COBL: variants seen among roughly 807,000 people sequenced by gnomAD.
COBL encodes cordon-bleu WH2 repeat protein.
In COBL, 51 loss-of-function variants were observed where a neutral mutation model predicts 98.8. The ratio of observed to expected loss-of-function variants is 0.52; its 90% CI spans 0.41 to 0.65. COBL has a LOEUF of 0.65. Ranked by LOEUF, COBL falls within the 30% of genes least tolerant of loss-of-function variation. The probability of loss-of-function intolerance (pLI) is 0.00; values close to 1 mark genes in which losing one functional copy is unlikely to be tolerated. For synonymous variants in COBL, 634 were observed against 651.7 expected (o/e 0.97, Z 0.41); for missense variants, 1,617 against 1,617.5 (o/e 1.00, Z 0.01).
At chr7:51,130,603 G>C (rs562610596) in intron 6 of COBL, among the ~76,000 whole-genome samples, 1 of 152,222 alleles carries the variant, frequency 6.6e-6, no homozygotes, top group African/African-American at 2.4e-5. Flanking sequence ...CATTGGCCAA[G>C]TGGTCTGCAG....
chr7:51,156,666 T>C (rs950604997), intron 5 of COBL: 1 of 805,760 alleles, frequency 1.2e-6, no homozygotes, highest in East Asian at 1.3e-4. Flanking sequence ...TAAACACACA[T>C]TTCCAATGTA....
At chr7:51,061,240 G>C (rs954511647) in intron 7 of COBL, among the ~76,000 whole-genome samples, 1 of 152,152 alleles carries the variant, frequency 6.6e-6, no homozygotes, top group African/African-American at 2.4e-5. Context: ...TTGTGTGTGT[G>C]TGTGTGTATA....
intron 5 of COBL, chr7:51,172,497 C>A: frequency 7.8e-7 from 1 of 1,288,178 alleles, no homozygotes; most frequent in South Asian, 1.2e-5. Flanking sequence ...GTGTCCTCAT[C>A]GCTGTCTGCA....
At chr7:51,140,493 G>C (rs1420196063) in intron 5 of COBL, among the ~76,000 whole-genome samples, 1 of 152,038 alleles carries the variant, frequency 6.6e-6, no homozygotes, top group East Asian at 1.9e-4. Context: ...TTTTGACATG[G>C]GTCCTAATTT....
intron 5 of COBL, among the ~76,000 whole-genome samples, chr7:51,158,835 C>CG (rs1261553440): frequency 1.3e-5 from 2 of 150,588 alleles, no homozygotes; most frequent in Non-Finnish European, 3.0e-5. Flanking sequence ...GTCCATAGGG[C>CG]GGGGGACAGG....
chr7:51,097,606 G>C (rs1032078986), intron 6 of COBL, among the ~76,000 whole-genome samples: 2 of 152,012 alleles, frequency 1.3e-5, no homozygotes, highest in Admixed American at 1.3e-4. Flanking sequence ...CAAAGTTGCA[G>C]GATACAAAAT....
intron 1 of COBL, among the ~76,000 whole-genome samples, chr7:51,302,356 T>G (rs1400049867): frequency 6.6e-6 from 1 of 151,732 alleles, no homozygotes; most frequent in East Asian, 1.9e-4. Context: ...CCGAGGTGGG[T>G]GGATCACCTG....
intron 3 of COBL, among the ~76,000 whole-genome samples, chr7:51,191,445 T>C (rs1790108856): frequency 6.6e-6 from 1 of 151,832 alleles, no homozygotes; most frequent in Admixed American, 6.6e-5. Context: ...GGAAGCAGTA[T>C]GAATAATTTA....
chr7:51,138,397 C>T (rs1799432200), intron 5 of COBL, among the ~76,000 whole-genome samples: 1 of 152,136 alleles, frequency 6.6e-6, no homozygotes, highest in Non-Finnish European at 1.5e-5. Flanking sequence ...ATTTATTTAA[C>T]CCTGCAGGAT....
intron 7 of COBL, among the ~76,000 whole-genome samples, chr7:51,056,687 G>T (rs1026118677): frequency 2.0e-5 from 3 of 152,048 alleles, no homozygotes; most frequent in Non-Finnish European, 4.4e-5. Flanking sequence ...ACTCTAATCG[G>T]GGCTTGTTCC....
chr7:51,184,775 A>G (rs1789330334), intron 4 of COBL, among the ~76,000 whole-genome samples: 1 of 152,226 alleles, frequency 6.6e-6, no homozygotes, highest in African/African-American at 2.4e-5. Flanking sequence ...CTGCCAAATC[A>G]GCACAGCTCT....
At chr7:51,300,535 C>A (rs972442362) in intron 1 of COBL, among the ~76,000 whole-genome samples, 4 of 152,120 alleles carry the variant, frequency 2.6e-5, no homozygotes, top group East Asian at 3.9e-4. Flanking sequence ...CAGAGTGTCA[C>A]GTGGTGTGTT....
intron 4 of COBL, among the ~76,000 whole-genome samples, chr7:51,188,809 G>A (rs776149994): frequency 7.2e-5 from 11 of 152,142 alleles, no homozygotes; most frequent in Non-Finnish European, 1.0e-4. Context: ...CAATGACCAT[G>A]GGCTATCCTG....
In COBL at chr7:51,264,752, A is replaced by G. The variant is rs115857053; in HGVS notation, c.42-44808T>C. ...AAATGCTTTTAAATGCACATTGATA[A>G]CATCAAAACACACCAGCTGAGGTAG... On this transcript the variant is annotated intron_variant, in intron 1 of 12. Transcript: ENST00000265136. Among the ~76,000 whole-genome samples, 1,123 of 152,158 alleles carry G rather than the reference A, an allele frequency of 7.4e-3. 15 individuals carry two copies. Among genetic ancestry groups the G allele is most frequent in the African/African-American group, 0.026 (1,090 of 41,474 alleles).
chr7:51,133,207 C>T (rs369806883), intron 6 of COBL, among the ~76,000 whole-genome samples: 2 of 152,136 alleles, frequency 1.3e-5, no homozygotes, highest in Admixed American at 6.5e-5. Context: ...ACAGACAATT[C>T]GTCTGTCCTC....
At chr7:51,080,152 G>T (rs1476420738) in intron 7 of COBL, among the ~76,000 whole-genome samples, 1 of 152,192 alleles carries the variant, frequency 6.6e-6, no homozygotes, top group Admixed American at 6.5e-5. Flanking sequence ...GGAGGAGACA[G>T]GGGAATGGCT....
intron 1 of COBL, among the ~76,000 whole-genome samples, chr7:51,294,572 G>C (rs1390171529): frequency 6.7e-6 from 1 of 148,722 alleles, no homozygotes; most frequent in Admixed American, 6.8e-5. Context: ...GTGCCTGGGA[G>C]GCAGAAGTTG....
intron 4 of COBL, among the ~76,000 whole-genome samples, chr7:51,185,096 G>C (rs1017423079): frequency 6.6e-6 from 1 of 152,104 alleles, no homozygotes; most frequent in Non-Finnish European, 1.5e-5. Flanking sequence ...TCTTCATCAG[G>C]ATTCTAGAGC....
chr7:51,071,864 T>C (rs561987112), intron 7 of COBL: 10 of 152,190 alleles, frequency 6.6e-5, no homozygotes, highest in Admixed American at 6.5e-4. Flanking sequence ...CATTTAATGA[T>C]TTGAGGTCAA....
Sources: gnomAD v4.1 joint callset for allele counts (sites outside exome capture counted in the v4.1 genomes callset) on GRCh38, gnomAD v4.1.1 for gene constraint, MANE v1.5 for transcripts, NCBI Gene and HGNC (gene_info 2026-07-23, HGNC 2026-07-21) for gene names.